The following APOOL variants were observed in gnomAD, a reference collection of about 807,000 sequenced individuals.
APOOL encodes apolipoprotein O like.
Under a neutral mutation model 23.1 loss-of-function variants are expected in APOOL, and 12 were observed. That is an observed-to-expected ratio of 0.52 (90% CI 0.33 to 0.84). The LOEUF (loss-of-function observed/expected upper bound fraction) is 0.84, where lower values mean the gene tolerates loss of function less well. Ranked by LOEUF, APOOL falls within the 40% of genes least tolerant of loss-of-function variation. The probability of loss-of-function intolerance (pLI) is 0.02; values close to 1 mark genes in which losing one functional copy is unlikely to be tolerated. For missense variants in APOOL, 212 were observed against 199.6 expected (o/e 1.06, Z -0.37); for synonymous variants, 77 against 69.9 (o/e 1.10, Z -0.51).
chrX:85,047,747 T>C (rs1206032107), intron 2 of APOOL, among the ~76,000 whole-genome samples: 1 of 111,534 alleles, frequency 9.0e-6, no homozygotes, highest in Non-Finnish European at 1.9e-5. Context: ...TGGTTACTAA[T>C]TCTATTCATC....
At chrX:85,023,224 G>C (rs150203733) in intron 1 of APOOL, among the ~76,000 whole-genome samples, 1,999 of 111,794 alleles carry the variant, frequency 0.018, 21 homozygotes, top group Middle Eastern at 0.06. Context: ...AATAAATTTA[G>C]TAAAGTTGAA....
chrX:85,042,901 A>G (rs1031256066), intron 1 of APOOL, among the ~76,000 whole-genome samples: 6 of 112,126 alleles, frequency 5.4e-5, no homozygotes, highest in Admixed American at 4.7e-4. Flanking sequence ...CATGATAAAA[A>G]ACCTTCAAAA....
At chrX:85,031,756 T>G (rs1922044693) in intron 1 of APOOL, among the ~76,000 whole-genome samples, 1 of 111,956 alleles carries the variant, frequency 8.9e-6, no homozygotes, top group Admixed American at 9.5e-5. Flanking sequence ...TTAATTTGGC[T>G]AGGGCCAGAG....
intron 1 of APOOL, among the ~76,000 whole-genome samples, chrX:85,020,510 T>C (rs1366022501): frequency 1.8e-5 from 2 of 111,329 alleles, no homozygotes; most frequent in South Asian, 3.8e-4. Context: ...TCAGTATCTA[T>C]GGACTAAGCC....
At chrX:85,066,642 C>A (rs746074489) in intron 5 of APOOL, among the ~76,000 whole-genome samples, 147 of 110,768 alleles carry the variant, frequency 1.3e-3, no homozygotes, top group African/African-American at 4.5e-3. Context: ...GAGTTATGTA[C>A]CTGTTAAAGT....
rs199888447 is a variant in APOOL, at chrX:85,040,459, GT to G, written c.16-5983del. The stretch of plus-strand genomic sequence containing the variant: ...TGACCTTTCTAGTGAGGTTGGGGAC[GT>G]TTTCATGGACAATATTCTCAAATAT... On this transcript the variant is annotated intron_variant, in intron 1 of 8. Coordinates refer to ENST00000373173, the MANE Select transcript of APOOL (RefSeq NM_198450.6). 4.5e-5 allele frequency among the ~76,000 whole-genome samples: 5 copies of G among 111,771 alleles called. No homozygotes were observed. In the East Asian group the frequency reaches 1.1e-3, roughly 25 times the overall value.
intron 1 of APOOL, among the ~76,000 whole-genome samples, chrX:85,022,821 A>G (rs1921715869): frequency 8.9e-6 from 1 of 111,912 alleles, no homozygotes; most frequent in South Asian, 3.7e-4. Flanking sequence ...TATAATCTGG[A>G]TGTATTTTTC....
chrX:85,057,880 A>T (rs1391235120), intron 5 of APOOL, among the ~76,000 whole-genome samples: 1 of 110,587 alleles, frequency 9.0e-6, no homozygotes, highest in Admixed American at 9.8e-5. Context: ...TCCAAAACAT[A>T]TTACTCAATT....
intron 1 of APOOL, among the ~76,000 whole-genome samples, chrX:85,013,341 T>C (rs970759250): frequency 2.6e-4 from 29 of 111,840 alleles, no homozygotes; most frequent in Non-Finnish European, 3.8e-5. Flanking sequence ...TGCTCTGATT[T>C]TGTTATTTCT....
At chrX:85,058,276 A>C (rs1342915483) in intron 5 of APOOL, among the ~76,000 whole-genome samples, 1 of 107,719 alleles carries the variant, frequency 9.3e-6, no homozygotes, top group South Asian at 4.1e-4. Flanking sequence ...CCCTGTGTCC[A>C]TGTCTTCTCA....
At chrX:85,048,809 A>G (rs1270904826) in intron 2 of APOOL, among the ~76,000 whole-genome samples, 2 of 111,995 alleles carry the variant, frequency 1.8e-5, no homozygotes, top group African/African-American at 3.2e-5. Context: ...CTCACTAAAC[A>G]TCTTTTTAAA....
At chrX:85,054,444 G>A (rs1337974421) in intron 4 of APOOL, 46 bp downstream of exon 4, 15 of 1,062,350 alleles carry the variant, frequency 1.4e-5, no homozygotes, top group Non-Finnish European at 1.9e-5. Flanking sequence ...TTTTTAAATT[G>A]CATTGTTTAA....
In APOOL at chrX:85,087,953, A is replaced by AT. The variant is rs1243959134; in HGVS notation, c.*276dup. The AT allele has an allele frequency of 1.8e-5, 3 of 166,429 alleles. No individual in the cohort carries two copies. Among genetic ancestry groups the AT allele is most frequent in the Non-Finnish European group, 3.3e-5 (3 of 90,301 alleles). The allele number at this position is 166,429 out of a possible 1,213,427, so 13.7% of individuals were successfully genotyped here. A position where few individuals can be genotyped will look rare whatever the true frequency, so the allele number is the denominator to read the frequency against. ...GACCTTTAAGGGCACTTAAAAAAAA[A>AT]TGAAGACATGAATTCTAGTGAGATT... On this transcript the variant is annotated 3_prime_UTR_variant, in exon 9 of 9. Transcript: ENST00000373173.
At chrX:85,037,367 G>A (rs1569455525) in intron 1 of APOOL, among the ~76,000 whole-genome samples, 1 of 111,368 alleles carries the variant, frequency 9.0e-6, no homozygotes, top group East Asian at 2.8e-4. Flanking sequence ...AGATCTGATG[G>A]TTTTATAAGG....
intron 8 of APOOL, among the ~76,000 whole-genome samples, chrX:85,075,879 G>T (rs762654932): frequency 1.8e-5 from 2 of 111,742 alleles, no homozygotes; most frequent in East Asian, 5.7e-4. Context: ...GTCTTGGTCA[G>T]TTTGAGCTGC....
intron 8 of APOOL, among the ~76,000 whole-genome samples, chrX:85,080,155 C>T (rs1306253336): frequency 9.0e-6 from 1 of 111,394 alleles, no homozygotes; most frequent in African/African-American, 3.3e-5. Context: ...TTTGCTCTTG[C>T]TTCTCTAGTT....
At chrX:85,077,795 C>A (rs1358809419) in intron 8 of APOOL, among the ~76,000 whole-genome samples, 1 of 111,862 alleles carries the variant, frequency 8.9e-6, no homozygotes, top group Non-Finnish European at 1.9e-5. Context: ...TTAATGATCA[C>A]CATTCTAACT....
chrX:85,087,989 AATAC>A lies in APOOL; in HGVS notation c.*315_*318del, dbSNP rs1296729656. 8.6e-6 allele frequency: 1 copy of A among 115,858 alleles called. No individual in the cohort carries two copies. The highest frequency in any genetic ancestry group is 3.5e-5 in the African/African-American group (1 of 28,762). The allele number at this position is 115,858 out of a possible 1,213,427, so 9.5% of individuals were successfully genotyped here. Reference sequence around the variant, plus strand: ...AATTCTAGTGAGATTAAAATCTAAAAATACATATATATATATGTATGTATAAATA... The same window carrying A: ...AATTCTAGTGAGATTAAAATCTAAAAATATATATATATGTATGTATAAATA... On this transcript the variant is annotated 3_prime_UTR_variant, in exon 9 of 9. Coordinates refer to ENST00000373173, the MANE Select transcript of APOOL (RefSeq NM_198450.6).
At chrX:85,060,991 C>A (rs1402378396) in intron 5 of APOOL, among the ~76,000 whole-genome samples, 8 of 111,419 alleles carry the variant, frequency 7.2e-5, no homozygotes, top group African/African-American at 2.6e-4. Flanking sequence ...AGTTTTTGCC[C>A]ATTCAGTATG....
Sources: gnomAD v4.1 joint callset for allele counts (sites outside exome capture counted in the v4.1 genomes callset) on GRCh38, gnomAD v4.1.1 for gene constraint, MANE v1.5 for transcripts, NCBI Gene and HGNC (gene_info 2026-07-23, HGNC 2026-07-21) for gene names.